TMX4: variants seen among roughly 807,000 people sequenced by gnomAD.
TMX4 encodes the protein thioredoxin-related transmembrane protein 4.
A neutral mutation model predicts 33.3 loss-of-function variants in TMX4; 23 were observed. The observed-to-expected ratio is 0.69, with a 90% CI of 0.50 to 0.98. The LOEUF is 0.98. TMX4 is among the 50% of genes least tolerant of loss of function. The pLI, the probability that TMX4 is intolerant of heterozygous loss-of-function variation, is 0.00. For synonymous variants in TMX4, 164 were observed against 161.5 expected (o/e 1.02, Z -0.12); for missense variants, 399 against 448.9 (o/e 0.89, Z 1.01).
intron 1 of TMX4, among the ~76,000 whole-genome samples, chr20:8,012,400 A>G (rs915480531): frequency 2.6e-5 from 4 of 152,262 alleles, no homozygotes; most frequent in East Asian, 1.9e-4. Flanking sequence ...AGACACTTTT[A>G]CGATGCATTA....
chr20:7,993,344 T>C (rs912698002), intron 5 of TMX4, among the ~76,000 whole-genome samples: 1 of 152,242 alleles, frequency 6.6e-6, no homozygotes, highest in Non-Finnish European at 1.5e-5. Context: ...TAGTTTCATA[T>C]GATCTAGACA....
At chr20:8,006,082 C>T (rs1034912735) in intron 2 of TMX4, among the ~76,000 whole-genome samples, 1 of 152,138 alleles carries the variant, frequency 6.6e-6, no homozygotes, top group Non-Finnish European at 1.5e-5. Flanking sequence ...GTAACACACG[C>T]CCACTGGGGC....
intron 2 of TMX4, among the ~76,000 whole-genome samples, chr20:8,004,925 A>G (rs1385809631): frequency 6.6e-6 from 1 of 152,240 alleles, no homozygotes; most frequent in African/African-American, 2.4e-5. Flanking sequence ...AGGCTGAAGT[A>G]AATGCTTACT....
chr20:8,008,442 T>C (rs552332062), intron 2 of TMX4, among the ~76,000 whole-genome samples: 55 of 152,272 alleles, frequency 3.6e-4, no homozygotes, highest in African/African-American at 1.3e-3. Flanking sequence ...TTTCTTAAAA[T>C]CAATTTCTCT....
At chr20:7,996,687 T>C (rs1386008294) in intron 4 of TMX4, among the ~76,000 whole-genome samples, 1 of 152,186 alleles carries the variant, frequency 6.6e-6, no homozygotes, top group Non-Finnish European at 1.5e-5. Flanking sequence ...CTATCCATTT[T>C]GTCTTATTAG....
intron 4 of TMX4, among the ~76,000 whole-genome samples, chr20:7,998,982 T>C (rs1176711372): frequency 3.9e-5 from 6 of 152,228 alleles, no homozygotes; most frequent in Non-Finnish European, 7.3e-5. Context: ...TAGGAAAGTA[T>C]CTGGCTAAAT....
chr20:7,996,595 C>A (rs190088913), intron 4 of TMX4, among the ~76,000 whole-genome samples: 1 of 152,256 alleles, frequency 6.6e-6, no homozygotes, highest in Non-Finnish European at 1.5e-5. Flanking sequence ...CTGGTGTCCA[C>A]CTGCATCCAC....
At chr20:7,986,274 C>A (rs2050630632) in intron 6 of TMX4, among the ~76,000 whole-genome samples, 1 of 152,134 alleles carries the variant, frequency 6.6e-6, no homozygotes, top group South Asian at 2.1e-4. Flanking sequence ...CTGAAGTTAA[C>A]ATCAGGAGCC....
rs2050602739 is a variant in TMX4 at position 7,980,919 on chromosome 20, TA to T, written c.*1331del. On this transcript the variant is annotated 3_prime_UTR_variant, in exon 8 of 8. Transcript: ENST00000246024. ...GACGACAGAAACTTTTAGAATTTCA[TA>T]AACCTGTACTCATTATTCTGTCTGG... 6.6e-6 allele frequency: 1 copy of T among 152,228 alleles called. No individual in the cohort carries two copies. The allele number at this position is 152,228 out of a possible 1,614,324, so 9.4% of individuals were successfully genotyped here.
intron 4 of TMX4, among the ~76,000 whole-genome samples, chr20:7,996,568 C>T (rs777362552): frequency 5.3e-5 from 8 of 152,136 alleles, no homozygotes; most frequent in Non-Finnish European, 1.0e-4. Context: ...CTCATCTTCC[C>T]ACTACCAAAT....
At chr20:7,983,975 C>CA (rs2050620068) in intron 6 of TMX4, 118 bp from the exon 7 acceptor site, 2 of 645,090 alleles carry the variant, frequency 3.1e-6, no homozygotes, top group Admixed American at 2.9e-5. Context: ...AGCAGCTAGT[C>CA]AAAAGTCTTC....
chr20:8,016,310 T>C (rs1287354355), intron 1 of TMX4, among the ~76,000 whole-genome samples: 1 of 152,030 alleles, frequency 6.6e-6, no homozygotes, highest in Non-Finnish European at 1.5e-5. Flanking sequence ...AGGCAGAGGG[T>C]ACACTGAGCT....
chr20:8,005,602 C>T (rs1486588540), intron 2 of TMX4, among the ~76,000 whole-genome samples: 1 of 152,118 alleles, frequency 6.6e-6, no homozygotes, highest in Non-Finnish European at 1.5e-5. Flanking sequence ...CTGCCATGCT[C>T]CCATCCTGTG....
At chr20:7,989,420 G>C (rs1005254531) in intron 5 of TMX4, among the ~76,000 whole-genome samples, 4 of 152,110 alleles carry the variant, frequency 2.6e-5, no homozygotes, top group Admixed American at 6.5e-5. Flanking sequence ...CAACTCTCAA[G>C]AAACTTTCTA....
intron 1 of TMX4, among the ~76,000 whole-genome samples, chr20:8,018,508 G>GCA (rs1568541295): frequency 3.8e-5 from 2 of 52,108 alleles, no homozygotes; most frequent in African/African-American, 2.2e-4. Flanking sequence ...GAGAGAGAGA[G>GCA]AGAGAGAGAG....
At chr20:7,992,968 C>T (rs1240039563) in intron 5 of TMX4, among the ~76,000 whole-genome samples, 3 of 152,222 alleles carry the variant, frequency 2.0e-5, no homozygotes, top group Admixed American at 2.0e-4. Flanking sequence ...TACTGTTGAT[C>T]TCTAAGCATT....
At chr20:7,989,352 A>T (rs994129542) in intron 5 of TMX4, among the ~76,000 whole-genome samples, 2 of 152,200 alleles carry the variant, frequency 1.3e-5, no homozygotes, top group Non-Finnish European at 1.5e-5. Context: ...AATAATGTGC[A>T]GTTTTAAGTC....
intron 1 of TMX4, 56 bp downstream of exon 1, chr20:8,019,382 G>A: frequency 1.3e-6 from 2 of 1,490,966 alleles, no homozygotes; most frequent in Non-Finnish European, 8.9e-7. Context: ...GCGCGGGCTT[G>A]GGAGGGTGAC....
At chr20:7,995,945 T>C in intron 5 of TMX4, 81 bp downstream of exon 5, 4 of 1,157,548 alleles carry the variant, frequency 3.5e-6, no homozygotes, top group Non-Finnish European at 2.5e-6. Flanking sequence ...CTTATAAATG[T>C]TTGTTTTCCT....
Sources: allele counts gnomAD v4.1 joint callset (sites outside exome capture counted in the v4.1 genomes callset), GRCh38; gene constraint gnomAD v4.1.1; transcripts MANE v1.5; gene names NCBI Gene and HGNC (gene_info 2026-07-23, HGNC 2026-07-21).